Variants in ZNF418 observed in about 807,000 individuals in gnomAD.
ZNF418 encodes zinc finger protein 418.
Under a neutral mutation model 32.0 loss-of-function variants are expected in ZNF418, and 32 were observed. The observed-to-expected ratio is 1.00, with a 90% CI of 0.75 to 1.34. The LOEUF is 1.34. Ranked by LOEUF, ZNF418 falls within the 40% of genes most tolerant of loss-of-function variation. The pLI, the probability that ZNF418 is intolerant of heterozygous loss-of-function variation, is 0.00. For missense variants in ZNF418, 804 were observed against 812.5 expected (o/e 0.99, Z 0.13); for synonymous variants, 276 against 270.7 (o/e 1.02, Z -0.19).
rs371645751 is a variant in ZNF418 at position 57,927,915 on chromosome 19, G to A, written c.266C>T (p.Ala89Val). 4.3e-5 allele frequency: 70 copies of A among 1,613,896 alleles called. 1 individual carries two copies. The highest frequency in any genetic ancestry group is 1.4e-4 in the South Asian group (13 of 91,080). Residue 89 changes from alanine (A) to valine (V), a missense_variant, in exon 4 of 6, where the codon GCG becomes GTG. Physicochemically the swap from Ala to Val is moderately conservative, Grantham distance 64 (BLOSUM62 0). Coordinates refer to ENST00000396147, the MANE Select transcript of ZNF418 (RefSeq NM_133460.3). Reference sequence around the variant, plus strand: ...CAAGTGCAAAATGTCTCCCAAGATCGCGCCACACATTTCACAAGAGTGGGC... The same window carrying A: ...CAAGTGCAAAATGTCTCCCAAGATCACGCCACACATTTCACAAGAGTGGGC... ...KKAHSCEMCGAILGDILHLAD... is the reference protein window; with the variant it reads ...KKAHSCEMCGVILGDILHLAD...
At chr19:57,929,789 TC>T (rs1421413234) in intron 3 of ZNF418, among the ~76,000 whole-genome samples, 1 of 152,010 alleles carries the variant, frequency 6.6e-6, no homozygotes, top group African/African-American at 2.4e-5. Flanking sequence ...TTCACACCAT[TC>T]TCCTGCCTCA....
At chr19:57,933,756 A>G in intron 2 of ZNF418, 61 bp downstream of exon 2, 1 of 1,604,440 alleles carries the variant, frequency 6.2e-7, no homozygotes, top group Non-Finnish European at 8.5e-7. Flanking sequence ...CATTTTACAA[A>G]CTGTGAATCT....
intron 4 of ZNF418, among the ~76,000 whole-genome samples, chr19:57,923,539 T>C (rs375785170): frequency 3.1e-3 from 445 of 144,136 alleles, no homozygotes; most frequent in Non-Finnish European, 5.2e-3. Context: ...TATATATACA[T>C]ACACACACAC....
intron 2 of ZNF418, chr19:57,932,509 C>A (rs1277303081): frequency 6.5e-7 from 1 of 1,535,306 alleles, no homozygotes; most frequent in South Asian, 1.2e-5. Flanking sequence ...TCCACATCCC[C>A]ACAGAACCAG....
At chr19:57,928,429 C>T (rs538301980) in intron 3 of ZNF418, among the ~76,000 whole-genome samples, 48 of 152,222 alleles carry the variant, frequency 3.2e-4, no homozygotes, top group African/African-American at 1.1e-3. Flanking sequence ...CAGGCCAATA[C>T]GCCCAGCTAC....
At chr19:57,931,348 C>T (rs1211137436) in intron 2 of ZNF418, among the ~76,000 whole-genome samples, 1 of 152,048 alleles carries the variant, frequency 6.6e-6, no homozygotes, top group East Asian at 1.9e-4. Flanking sequence ...ATTACAGGCA[C>T]CCACCACCAC....
At chr19:57,931,163 T>C (rs1397745254) in intron 2 of ZNF418, among the ~76,000 whole-genome samples, 1 of 152,172 alleles carries the variant, frequency 6.6e-6, no homozygotes, top group Non-Finnish European at 1.5e-5. Context: ...CCAGTGCAGT[T>C]GCCTGGGTCC....
chr19:57,928,003 T>C lies in ZNF418; in HGVS notation c.178A>G (p.Ser60Gly). 1 of 1,575,112 alleles carries C rather than the reference T, an allele frequency of 6.3e-7. No individual in the cohort carries two copies. The highest frequency in any genetic ancestry group is 8.6e-7 in the Non-Finnish European group (1 of 1,156,802). ...SEDEEAPSKK[S>G]ISIQRVSQVS... is the part of the protein sequence containing the mutation. ...TGAGACACTCTTTGTATAGAAATGCTCTTCTTAGAAGGTGCCTCCTCATCT... is the reference window on the plus strand; with the variant it reads ...TGAGACACTCTTTGTATAGAAATGCCCTTCTTAGAAGGTGCCTCCTCATCT... The change falls in exon 4 of 6, where the codon AGC (serine) becomes GGC (glycine). Residue 60 changes from serine (S) to glycine (G), a missense_variant. Physicochemically the swap from Ser to Gly is moderately conservative, Grantham distance 56 (BLOSUM62 0). Coordinates refer to ENST00000396147, the MANE Select transcript of ZNF418 (RefSeq NM_133460.3).
chr19:57,931,549 A>G (rs1034304757), intron 2 of ZNF418, among the ~76,000 whole-genome samples: 14 of 152,166 alleles, frequency 9.2e-5, no homozygotes, highest in African/African-American at 3.1e-4. Flanking sequence ...CGGCCAGCCC[A>G]ACATGACATC....
At chr19:57,925,131 G>C (rs1287622369) in intron 4 of ZNF418, among the ~76,000 whole-genome samples, 1 of 152,164 alleles carries the variant, frequency 6.6e-6, no homozygotes. Context: ...ATGGGAAGCA[G>C]AATGTTCTTT....
In ZNF418 at chr19:57,927,773, G is replaced by A. The variant is rs752072494; in HGVS notation, c.408C>T (p.Pro136=). 2.5e-6 allele frequency: 4 copies of A among 1,614,170 alleles called. No individual in the cohort carries two copies. Among genetic ancestry groups the A allele is most frequent in the Admixed American group, 1.7e-5 (1 of 60,008 alleles). ...PHQNQYLGEK[P]YRSSVEEALF... Reference sequence around the variant, plus strand: ...ATGCTTCCTCAACACTGCTTCTATAGGGTTTCTCTCCAAGGTACTGATTCT... The same window carrying A: ...ATGCTTCCTCAACACTGCTTCTATAAGGTTTCTCTCCAAGGTACTGATTCT... Residue 136 remains proline (P), a synonymous_variant, in exon 4 of 6, where the codon CCC becomes CCT. Coordinates refer to ENST00000396147, the MANE Select transcript of ZNF418 (RefSeq NM_133460.3).
chr19:57,931,208 C>CT (rs926349541), intron 2 of ZNF418, among the ~76,000 whole-genome samples: 5 of 152,070 alleles, frequency 3.3e-5, no homozygotes, highest in East Asian at 3.9e-4. Flanking sequence ...ACACATCCTT[C>CT]TTTTTTTTCT....
In ZNF418 at chr19:57,933,916, G is replaced by C; in HGVS notation, c.-80-14C>G. The C allele has an allele frequency of 1.2e-6, 2 of 1,612,084 alleles. No individual in the cohort carries two copies. Among genetic ancestry groups the C allele is most frequent in the South Asian group, 1.1e-5 (1 of 91,036 alleles). ...GCCAGATGATGCCTGCAGACAAATG[G>C]GACTGTGGTAACATCACCTCCTCGC... On this transcript the variant is annotated splice_polypyrimidine_tract_variant and intron_variant, in intron 1 of 5. Transcript: ENST00000396147.
In ZNF418 at chr19:57,927,394, A is replaced by G. The variant is rs769233435; in HGVS notation, c.787T>C (p.Cys263Arg). The change falls in exon 4 of 6, where the codon TGT becomes CGT. Residue 263 changes from cysteine to arginine, a missense_variant. Cys to Arg is a radical substitution (Grantham distance 180, BLOSUM62 -3). Coordinates refer to ENST00000396147, the MANE Select transcript of ZNF418 (RefSeq NM_133460.3). Reference protein sequence around the residue: ...TGKRPYECGECGKSFSHKGSL... With the variant: ...TGKRPYECGERGKSFSHKGSL... The stretch of plus-strand genomic sequence containing the variant: ...CCCTTATGACTAAAAGATTTCCCAC[A>G]TTCTCCACATTCATAAGGTCTTTTC... 6.2e-7 allele frequency: 1 copy of G among 1,614,234 alleles called. No homozygotes were observed. Among genetic ancestry groups the G allele is most frequent in the Admixed American group, 1.7e-5 (1 of 60,024 alleles).
chr19:57,922,550 A>G lies in ZNF418; in HGVS notation c.*705T>C. ...AGATCATAATCAGTTCATATTTATA[A>G]TCTTGGGCTGGAGGCAAATGCATAC... On this transcript the variant is annotated 3_prime_UTR_variant, in exon 6 of 6. Coordinates refer to ENST00000396147, the MANE Select transcript of ZNF418 (RefSeq NM_133460.3). 1 of 398,542 alleles carries G rather than the reference A, an allele frequency of 2.5e-6. No homozygotes were observed. The highest frequency in any genetic ancestry group is 4.4e-6 in the Non-Finnish European group (1 of 226,054). 24.7% of individuals were successfully genotyped at this position (398,542 alleles called of 1,614,324 possible).
At chr19:57,934,730 C>T (rs2072624662) in intron 1 of ZNF418, 1 of 224,110 alleles carries the variant, frequency 4.5e-6, no homozygotes, top group African/African-American at 2.3e-5. Flanking sequence ...TCCCAGAACC[C>T]TAAGGTCCTC....
At chr19:57,924,118 GT>G (rs2072117402) in intron 4 of ZNF418, among the ~76,000 whole-genome samples, 1 of 151,096 alleles carries the variant, frequency 6.6e-6, no homozygotes, top group African/African-American at 2.4e-5. Flanking sequence ...TCCAGCCTGG[GT>G]CACAGAGCAA....
chr19:57,923,449 T>C (rs958904018), intron 4 of ZNF418, among the ~76,000 whole-genome samples, 160 bp from the exon 5 acceptor site: 12 of 150,804 alleles, frequency 8.0e-5, no homozygotes, highest in African/African-American at 2.0e-4. Flanking sequence ...CATACATATA[T>C]ACACACATAT....
At chr19:57,934,180 T>C (rs2072600249) in intron 1 of ZNF418, 1 of 1,188,442 alleles carries the variant, frequency 8.4e-7, no homozygotes, top group Admixed American at 4.0e-5. Flanking sequence ...AACATGTGAA[T>C]GGGGAATAAG....
Sources: gnomAD v4.1 joint callset for allele counts (sites outside exome capture counted in the v4.1 genomes callset) on GRCh38, gnomAD v4.1.1 for gene constraint, MANE v1.5 for transcripts, NCBI Gene and HGNC (gene_info 2026-07-23, HGNC 2026-07-21) for gene names.